Variants in GRM7 observed in about 807,000 individuals in gnomAD.
GRM7 encodes the protein glutamate metabotropic receptor 7.
A neutral mutation model predicts 84.5 loss-of-function variants in GRM7; 35 were observed. The observed-to-expected ratio is 0.41, with a 90% confidence interval of 0.32 to 0.55. The LOEUF (loss-of-function observed/expected upper bound fraction) is 0.55. Among genes scored for constraint, GRM7 ranks in the 20% least tolerant of loss-of-function variants. The pLI, the probability that GRM7 is intolerant of heterozygous loss-of-function variation, is 0.19. For missense variants in GRM7, 1,003 were observed against 1,194.6 expected (o/e 0.84, Z 2.36); for synonymous variants, 487 against 455.1 (o/e 1.07, Z -0.89).
rs1454952229 is a variant in GRM7, at chr3:7,553,586, A to G, written c.1516-24836A>G. ...CTGGGGAGGCCTCAAGAGACTTACAATTATGGTGGAAGGTGAAGAGGGAGC... is the reference window on the plus strand; with the variant it reads ...CTGGGGAGGCCTCAAGAGACTTACAGTTATGGTGGAAGGTGAAGAGGGAGC... On this transcript the variant is annotated intron_variant, in intron 7 of 9. Coordinates refer to ENST00000357716, the MANE Select transcript of GRM7 (RefSeq NM_000844.4). Among the ~76,000 whole-genome samples, 5 of 152,168 alleles carry G rather than the reference A, an allele frequency of 3.3e-5. No homozygotes were observed. In the East Asian group the frequency reaches 7.7e-4, roughly 23 times the overall value.
At chr3:6,866,975 A>G (rs1171151338) in intron 1 of GRM7, among the ~76,000 whole-genome samples, 1 of 152,170 alleles carries the variant, frequency 6.6e-6, no homozygotes, top group African/African-American at 2.4e-5. Context: ...CCCAGTGGCC[A>G]TCCAACACAA....
At chr3:7,707,930 ATTTTTTT>A (rs34344224) in intron 9 of GRM7, among the ~76,000 whole-genome samples, 4 of 123,686 alleles carry the variant, frequency 3.2e-5, no homozygotes, top group South Asian at 2.6e-4. Flanking sequence ...GAAGCTTTCA[ATTTTTTT>A]TTTTTTTTTT....
intron 1 of GRM7, among the ~76,000 whole-genome samples, chr3:7,014,542 C>T (rs1695494525): frequency 2.0e-5 from 3 of 152,020 alleles, no homozygotes. Context: ...TCTTGAACTC[C>T]TGGCCTCAAG....
Position 7,151,016 on chromosome 3 carries a change from A to C in GRM7, c.736+4348A>C, listed in dbSNP as rs1222211696. ...CCATCATACATGTCGACTTCTCAAA[A>C]CCTAAAAGATCTATCCATTTGATAT... On this transcript the variant is annotated intron_variant, in intron 2 of 9. Coordinates refer to ENST00000357716, the MANE Select transcript of GRM7 (RefSeq NM_000844.4). The surrounding 1 kb of genome is among the most constrained non-coding windows in gnomAD (Gnocchi z 4.5). Among the ~76,000 whole-genome samples the C allele has an allele frequency of 6.6e-6, 1 of 152,168 alleles. No individual in the cohort carries two copies. The highest frequency in any genetic ancestry group is 1.5e-5 in the Non-Finnish European group (1 of 68,036).
chr3:7,176,229 T>TAAA lies in GRM7; in HGVS notation c.736+29592_736+29594dup, dbSNP rs55732650. Among the ~76,000 whole-genome samples the TAAA allele has an allele frequency of 1.4e-3, 88 of 63,134 alleles. 5 individuals carry two copies. The highest frequency in any genetic ancestry group is 4.3e-3 in the African/African-American group (68 of 15,824). The allele number at this position is 63,134 out of a possible 152,430, so 41.4% of individuals were successfully genotyped here. A position where few individuals can be genotyped will look rare whatever the true frequency, so the allele number is the denominator to read the frequency against. On this transcript the variant is annotated intron_variant, in intron 2 of 9. Coordinates refer to ENST00000357716, the MANE Select transcript of GRM7 (RefSeq NM_000844.4). ...AAGGAGACCTCATCTCTATAAAAAG[T>TAAA]AAAAAAAAAAAAAAAAAAAAAAAAA...
At chr3:7,723,532 C>A (rs978985966) in intron 9 of GRM7, among the ~76,000 whole-genome samples, 2 of 152,028 alleles carry the variant, frequency 1.3e-5, no homozygotes, top group Non-Finnish European at 2.9e-5. Context: ...AGGCTATAAC[C>A]CCATCAATCT....
At chr3:7,073,976 A>AG (rs1233408412) in intron 1 of GRM7, among the ~76,000 whole-genome samples, 1 of 73,978 alleles carries the variant, frequency 1.4e-5, no homozygotes, top group African/African-American at 6.9e-5. Flanking sequence ...AGGGTGAAAC[A>AG]AAAACATCAC....
chr3:7,520,647 T>C (rs909078957), intron 7 of GRM7, among the ~76,000 whole-genome samples: 2 of 152,190 alleles, frequency 1.3e-5, no homozygotes, highest in African/African-American at 4.8e-5. Context: ...GATCAGGGTA[T>C]AGAAGACAGG....
chr3:6,897,305 T>A (rs1476174095), intron 1 of GRM7, among the ~76,000 whole-genome samples: 6 of 152,202 alleles, frequency 3.9e-5, no homozygotes, highest in Non-Finnish European at 8.8e-5. Context: ...GAATTGCAAA[T>A]TCTTGGGCCT....
At chr3:6,925,412 G>T (rs1447662323) in intron 1 of GRM7, among the ~76,000 whole-genome samples, 1 of 151,916 alleles carries the variant, frequency 6.6e-6, no homozygotes. Flanking sequence ...ACTTGAGAAG[G>T]TTACGTTGTT....
chr3:7,217,512 C>A (rs1696655027), intron 2 of GRM7, among the ~76,000 whole-genome samples: 1 of 152,072 alleles, frequency 6.6e-6, no homozygotes, highest in Non-Finnish European at 1.5e-5. Flanking sequence ...ACTTAGAATG[C>A]ATTTCAATAA....
At position 7,065,144 on chromosome 3, in the gene GRM7, A is replaced by G. The variant is rs114221550; in HGVS notation, c.520-81308A>G. Among the ~76,000 whole-genome samples, 845 of 151,744 alleles carry G rather than the reference A, an allele frequency of 5.6e-3. 4 individuals carry two copies. Among genetic ancestry groups the G allele is most frequent in the African/African-American group, 0.019 (799 of 41,454 alleles). On this transcript the variant is annotated intron_variant, in intron 1 of 9. Coordinates refer to ENST00000357716, the MANE Select transcript of GRM7 (RefSeq NM_000844.4). ...TTTTCTCCAACTCTGTGGGTTGTCT[A>G]TTTAGTTTGCTGACTGTTCCTTTTG...
chr3:7,561,955 T>C (rs1230317074), intron 7 of GRM7, among the ~76,000 whole-genome samples: 1 of 152,128 alleles, frequency 6.6e-6, no homozygotes, highest in Non-Finnish European at 1.5e-5. Flanking sequence ...ACATGAAAGA[T>C]ACCAGAAAGC....
intron 9 of GRM7, among the ~76,000 whole-genome samples, chr3:7,706,344 C>A (rs902454425): frequency 3.3e-5 from 5 of 152,032 alleles, no homozygotes; most frequent in African/African-American, 1.2e-4. Flanking sequence ...ATATGTATGA[C>A]CCTATGCAGA....
intron 3 of GRM7, among the ~76,000 whole-genome samples, chr3:7,300,889 GC>G (rs1217798337): frequency 6.6e-6 from 1 of 152,096 alleles, no homozygotes; most frequent in African/African-American, 2.4e-5. Flanking sequence ...CTTTCGACTT[GC>G]TTTTGTACTG....
At chr3:7,316,881 GA>G (rs1384591449) in intron 4 of GRM7, among the ~76,000 whole-genome samples, 1 of 152,112 alleles carries the variant, frequency 6.6e-6, no homozygotes, top group East Asian at 1.9e-4. Context: ...AAGTAACACA[GA>G]AAATAGGGGA....
At chr3:7,098,548 A>G (rs956504516) in intron 1 of GRM7, among the ~76,000 whole-genome samples, 5 of 152,020 alleles carry the variant, frequency 3.3e-5, no homozygotes, top group African/African-American at 1.2e-4. Flanking sequence ...CTTGTCCCAC[A>G]TATTTATGCA....
rs1263166599 is a variant in GRM7 at position 7,198,514 on chromosome 3, C to T, written c.736+51846C>T. On this transcript the variant is annotated intron_variant, in intron 2 of 9. Coordinates refer to ENST00000357716, the MANE Select transcript of GRM7 (RefSeq NM_000844.4). Reference sequence around the variant, plus strand: ...TATAATGGGGTTATGTCCTGATAAACCCATTGTAAGTCTGAAAATATCTTA... The same window carrying T: ...TATAATGGGGTTATGTCCTGATAAATCCATTGTAAGTCTGAAAATATCTTA... 2.0e-5 allele frequency among the ~76,000 whole-genome samples: 3 copies of T among 152,124 alleles called. No individual in the cohort carries two copies. The East Asian group carries it at 5.8e-4, about 29-fold the overall frequency.
At chr3:7,438,315 G>C (rs992411497) in intron 5 of GRM7, among the ~76,000 whole-genome samples, 1 of 152,032 alleles carries the variant, frequency 6.6e-6, no homozygotes. Context: ...ACTGTGCTAA[G>C]CATTTGGGAA....
Sources: allele counts gnomAD v4.1 joint callset (sites outside exome capture counted in the v4.1 genomes callset), GRCh38; gene constraint gnomAD v4.1.1; non-coding constraint Gnocchi (gnomAD v3.1); transcripts MANE v1.5; gene names NCBI Gene and HGNC (gene_info 2026-07-23, HGNC 2026-07-21).